EYS: variants seen among roughly 807,000 people sequenced by gnomAD.
EYS encodes protein eyes shut homolog.
EYS carries 250 observed loss-of-function variants against 282.1 expected under a neutral mutation model. The observed-to-expected ratio is 0.89, with a 90% confidence interval of 0.80 to 0.98. The LOEUF is 0.98. EYS is among the 50% of genes least tolerant of loss of function. The pLI, the probability that EYS is intolerant of heterozygous loss-of-function variation, is 0.00. For synonymous variants in EYS, 1,355 were observed against 1,282.9 expected (o/e 1.06, Z -1.20); for missense variants, 4,016 against 3,709.0 (o/e 1.08, Z -2.15).
At chr6:64,097,276 A>G (rs1465004609) in intron 31 of EYS, among the ~76,000 whole-genome samples, 1 of 152,146 alleles carries the variant, frequency 6.6e-6, no homozygotes, top group Non-Finnish European at 1.5e-5. Context: ...ACTCTCTTCA[A>G]AGCTGTCAGA....
chr6:63,902,708 A>C (rs568010580), intron 35 of EYS, among the ~76,000 whole-genome samples: 6 of 152,310 alleles, frequency 3.9e-5, no homozygotes, highest in African/African-American at 1.2e-4. Context: ...CCTAAAAAAC[A>C]CTAAGAAAAT....
intron 14 of EYS, among the ~76,000 whole-genome samples, chr6:64,957,462 T>C (rs1243932783): frequency 6.6e-6 from 1 of 151,628 alleles, no homozygotes; most frequent in Non-Finnish European, 1.5e-5. Flanking sequence ...GATGTGGGAA[T>C]GGTTAATGGA....
chr6:65,572,905 T>A (rs769680121), intron 2 of EYS, among the ~76,000 whole-genome samples: 3 of 152,166 alleles, frequency 2.0e-5, no homozygotes, highest in Non-Finnish European at 4.4e-5. Flanking sequence ...TAAACAAAAC[T>A]ACATTTTTCT....
At chr6:64,206,956 T>G (rs1765626300) in intron 31 of EYS, among the ~76,000 whole-genome samples, 1 of 152,276 alleles carries the variant, frequency 6.6e-6, no homozygotes, top group South Asian at 2.1e-4. Flanking sequence ...TTATTTTTCC[T>G]GATCCTCTCC....
chr6:65,062,147 G>A (rs1281461431), intron 12 of EYS, among the ~76,000 whole-genome samples: 1 of 151,782 alleles, frequency 6.6e-6, no homozygotes, highest in Non-Finnish European at 1.5e-5. Context: ...CCAGTCCCAG[G>A]AACTCCTGGC....
chr6:63,750,381 A>G lies in EYS; in HGVS notation c.8071+12080T>C, dbSNP rs182178979. The stretch of plus-strand genomic sequence containing the variant: ...AAAAATACCCTCTATCCCAGTTTTT[A>G]TATTCTGACTTTGTACAGGAGAAGA... On this transcript the variant is annotated intron_variant, in intron 41 of 42. Transcript: ENST00000503581. 3.9e-5 allele frequency among the ~76,000 whole-genome samples: 6 copies of G among 152,270 alleles called. 1 individual carries two copies. Among genetic ancestry groups the G allele is most frequent in the Admixed American group, 1.3e-4 (2 of 15,278 alleles).
At chr6:65,624,953 T>A (rs1766644654) in intron 2 of EYS, among the ~76,000 whole-genome samples, 1 of 152,196 alleles carries the variant, frequency 6.6e-6, no homozygotes. Context: ...TTCTCCTTAA[T>A]AAACTCCCCT....
intron 26 of EYS, among the ~76,000 whole-genome samples, chr6:64,463,731 A>G (rs2150487136): frequency 6.6e-6 from 1 of 152,336 alleles, no homozygotes; most frequent in East Asian, 1.9e-4. Context: ...AAGACACATT[A>G]CAAATAATAC....
intron 7 of EYS, among the ~76,000 whole-genome samples, chr6:65,390,734 CA>C (rs1765996056): frequency 6.6e-6 from 1 of 150,978 alleles, no homozygotes; most frequent in Admixed American, 6.6e-5. Context: ...TTCTTTTTTT[CA>C]AAAAATTAGC....
chr6:64,742,042 T>C (rs950679250), intron 22 of EYS, among the ~76,000 whole-genome samples: 2 of 152,220 alleles, frequency 1.3e-5, no homozygotes, highest in African/African-American at 4.8e-5. Flanking sequence ...TTTCAGCCTG[T>C]CTTGACTTTC....
chr6:64,725,674 C>T lies in EYS; in HGVS notation c.3443+87704G>A, dbSNP rs575189334. ...CAAGTCTTATTTCAGAACTAAACAGCATCACCATCCACCAAGACCTCCAGC... is the reference window on the plus strand; with the variant it reads ...CAAGTCTTATTTCAGAACTAAACAGTATCACCATCCACCAAGACCTCCAGC... On this transcript the variant is annotated intron_variant, in intron 22 of 42. Transcript: ENST00000503581. Among the ~76,000 whole-genome samples, 6 of 152,232 alleles carry T rather than the reference C, an allele frequency of 3.9e-5. No homozygotes were observed. The South Asian group carries it at 8.3e-4, about 21-fold the overall frequency.
intron 31 of EYS, among the ~76,000 whole-genome samples, chr6:64,112,019 C>T (rs1323565937): frequency 6.6e-6 from 1 of 151,924 alleles, no homozygotes; most frequent in African/African-American, 2.4e-5. Flanking sequence ...TCTGTTATTC[C>T]ATGCAGCTGG....
rs541257179 is a variant in EYS at position 64,728,197 on chromosome 6, T to C, written c.3443+85181A>G. ...CCCTGTGGCAGTGTCTAGTGAGGAG[T>C]ACCCATGACCCCTGAAGCCCCAGAG... On this transcript the variant is annotated intron_variant, in intron 22 of 42. Transcript: ENST00000503581. Among the ~76,000 whole-genome samples the C allele has an allele frequency of 6.1e-4, 93 of 152,210 alleles. 1 individual carries two copies. The highest frequency in any genetic ancestry group is 2.0e-3 in the African/African-American group (84 of 41,534).
chr6:65,089,968 T>C (rs1260944978), intron 12 of EYS, among the ~76,000 whole-genome samples: 1 of 114,928 alleles, frequency 8.7e-6, no homozygotes, highest in Non-Finnish European at 1.7e-5. Context: ...AAATTATATA[T>C]ATATATAAAT....
intron 15 of EYS, among the ~76,000 whole-genome samples, chr6:64,914,246 C>G (rs1768094664): frequency 6.6e-6 from 1 of 152,084 alleles, no homozygotes; most frequent in South Asian, 2.1e-4. Context: ...AAAACAATCA[C>G]AAACTGTAGG....
chr6:64,583,311 C>A (rs1221690309), intron 26 of EYS, among the ~76,000 whole-genome samples: 1 of 151,800 alleles, frequency 6.6e-6, no homozygotes, highest in African/African-American at 2.4e-5. Flanking sequence ...TCAAAAAAAA[C>A]CCTAGGATAT....
intron 29 of EYS, among the ~76,000 whole-genome samples, chr6:64,331,462 C>T (rs1770642711): frequency 1.3e-5 from 2 of 152,054 alleles, no homozygotes; most frequent in African/African-American, 2.4e-5. Context: ...CCTTACCATG[C>T]CCTTACTGGA....
chr6:64,448,613 G>A (rs1271601575), intron 26 of EYS, among the ~76,000 whole-genome samples: 1 of 152,160 alleles, frequency 6.6e-6, no homozygotes, highest in East Asian at 1.9e-4. Context: ...CCCCAGTAGG[G>A]GCGGACTGAC....
chr6:64,717,877 A>C (rs1771450212), intron 22 of EYS, among the ~76,000 whole-genome samples: 1 of 152,182 alleles, frequency 6.6e-6, no homozygotes, highest in Non-Finnish European at 1.5e-5. Context: ...CTTTAGAAAG[A>C]TTATGATACA....
Sources: gnomAD v4.1 joint callset for allele counts (sites outside exome capture counted in the v4.1 genomes callset) on GRCh38, gnomAD v4.1.1 for gene constraint, MANE v1.5 for transcripts, NCBI Gene and HGNC (gene_info 2026-07-23, HGNC 2026-07-21) for gene names.